NR3C2: variants seen among roughly 807,000 people sequenced by gnomAD.
The protein encoded by NR3C2 is mineralocorticoid receptor.
NR3C2 carries 15 observed loss-of-function variants against 86.4 expected under a neutral mutation model. The observed-to-expected ratio is 0.17, with a 90% CI of 0.12 to 0.27. The LOEUF (loss-of-function observed/expected upper bound fraction) is 0.27, where lower values mean the gene tolerates loss of function less well. NR3C2 is among the 10% of genes least tolerant of loss of function. The probability of loss-of-function intolerance (pLI) is 1.00; values close to 1 mark genes in which losing one functional copy is unlikely to be tolerated. For synonymous variants in NR3C2, 458 were observed against 450.5 expected (o/e 1.02, Z -0.21); for missense variants, 960 against 1,195.6 (o/e 0.80, Z 2.91).
rs917945015 is a variant in NR3C2, at chr4:148,379,575, T to C, written c.1757+55529A>G. 2.0e-5 allele frequency among the ~76,000 whole-genome samples: 3 copies of C among 152,158 alleles called. No individual in the cohort carries two copies. In the East Asian group the frequency reaches 5.8e-4, roughly 29 times the overall value. On this transcript the variant is annotated intron_variant, in intron 2 of 8. Transcript: ENST00000358102. ...CAAAGGGGTCTAAGGAACCATTGAT[T>C]TGTAAAAGTAAGCTTCTATTCAGAA...
intron 2 of NR3C2, among the ~76,000 whole-genome samples, chr4:148,434,162 G>T (rs1455777955): frequency 1.3e-5 from 2 of 152,044 alleles, no homozygotes; most frequent in Non-Finnish European, 2.9e-5. Flanking sequence ...GATGCCAAAG[G>T]AATGAACTAT....
At chr4:148,162,357 T>C (rs1183274814) in intron 4 of NR3C2, among the ~76,000 whole-genome samples, 1 of 152,204 alleles carries the variant, frequency 6.6e-6, no homozygotes, top group Non-Finnish European at 1.5e-5. Context: ...GTATTTTCTG[T>C]AGCTATATTC....
chr4:148,437,819 T>G (rs944863282), intron 1 of NR3C2, among the ~76,000 whole-genome samples: 1 of 152,208 alleles, frequency 6.6e-6, no homozygotes, highest in African/African-American at 2.4e-5. Context: ...CAGGCAGTGA[T>G]AAACAAAAGA....
intron 8 of NR3C2, among the ~76,000 whole-genome samples, chr4:148,085,478 G>A (rs184105815): frequency 7.9e-5 from 12 of 152,308 alleles, no homozygotes; most frequent in Admixed American, 2.6e-4. Flanking sequence ...GAATCTGTGG[G>A]ACACAGCTAA....
At chr4:148,136,125 A>G (rs1390945062) in intron 6 of NR3C2, among the ~76,000 whole-genome samples, 1 of 151,438 alleles carries the variant, frequency 6.6e-6, no homozygotes, top group Non-Finnish European at 1.5e-5. Context: ...AAACAAAAAA[A>G]CTTTGTCCAG....
intron 2 of NR3C2, among the ~76,000 whole-genome samples, chr4:148,282,732 A>C (rs1328801080): frequency 6.6e-6 from 1 of 152,224 alleles, no homozygotes; most frequent in Non-Finnish European, 1.5e-5. Flanking sequence ...ATTTGGCAAG[A>C]GCAGACTAAA....
At chr4:148,414,210 C>T (rs141095608) in intron 2 of NR3C2, among the ~76,000 whole-genome samples, 4 of 152,206 alleles carry the variant, frequency 2.6e-5, no homozygotes, top group East Asian at 1.9e-4. Flanking sequence ...GCTAAATATA[C>T]GCATACACCT....
chr4:148,175,093 C>T (rs1404583212), intron 4 of NR3C2, among the ~76,000 whole-genome samples: 2 of 152,006 alleles, frequency 1.3e-5, no homozygotes, highest in Admixed American at 6.6e-5. Flanking sequence ...GGGACTTCTC[C>T]CAATGAAGAA....
intron 3 of NR3C2, among the ~76,000 whole-genome samples, chr4:148,200,149 TAA>T (rs1439143635): frequency 2.0e-5 from 3 of 152,132 alleles, no homozygotes; most frequent in Non-Finnish European, 4.4e-5. Context: ...GCAGGATGGG[TAA>T]AGAGGAGGAA....
intron 2 of NR3C2, among the ~76,000 whole-genome samples, chr4:148,377,539 T>C (rs540169290): frequency 5.3e-5 from 8 of 152,122 alleles, no homozygotes; most frequent in African/African-American, 1.9e-4. Flanking sequence ...AAAAAGCAGA[T>C]GAATTTGGGG....
At chr4:148,302,092 ATTG>A (rs1194192360) in intron 2 of NR3C2, among the ~76,000 whole-genome samples, 1 of 152,186 alleles carries the variant, frequency 6.6e-6, no homozygotes, top group South Asian at 2.1e-4. Context: ...TTCACAGATA[ATTG>A]TTGTCTTGTT....
At chr4:148,201,473 T>C (rs1179741479) in intron 3 of NR3C2, among the ~76,000 whole-genome samples, 1 of 152,234 alleles carries the variant, frequency 6.6e-6, no homozygotes, top group East Asian at 1.9e-4. Context: ...AAGGACAATA[T>C]GCTTATGGTT....
chr4:148,438,563 C>T (rs972181756), intron 1 of NR3C2, among the ~76,000 whole-genome samples: 27 of 152,002 alleles, frequency 1.8e-4, no homozygotes, highest in African/African-American at 6.5e-4. Flanking sequence ...CATCCTTTCC[C>T]CTCTTTGTCA....
chr4:148,286,588 C>T (rs1267096771), intron 2 of NR3C2, among the ~76,000 whole-genome samples: 1 of 152,194 alleles, frequency 6.6e-6, no homozygotes, highest in Admixed American at 6.5e-5. Context: ...AGAGATGCAC[C>T]TCTTTCCTGA....
At chr4:148,200,024 A>ATTTCTC (rs1206413887) in intron 3 of NR3C2, among the ~76,000 whole-genome samples, 4 of 152,258 alleles carry the variant, frequency 2.6e-5, no homozygotes, top group Non-Finnish European at 5.9e-5. Context: ...AGAAATGTTC[A>ATTTCTC]TACAATGAAA....
intron 2 of NR3C2, among the ~76,000 whole-genome samples, chr4:148,325,110 CAGAGAGAGAGAGAGGGAGAGAGAATG>C (rs1743888875): frequency 6.7e-6 from 1 of 148,676 alleles, no homozygotes; most frequent in Non-Finnish European, 1.5e-5. Context: ...AGTGGAGAGA[CAGAGAGAGAGAGAGGGAGAGAGAATG>C]AGAGAGAGAG....
Position 148,436,381 on chromosome 4 carries a change from G to A in NR3C2, c.480C>T (p.Pro160=). The change falls in exon 2 of 9, where the codon CCC becomes CCT. Residue 160 remains proline (P), a synonymous_variant. Transcript: ENST00000358102. The part of the protein sequence containing the change: ...RPSTLSCVNT[P]LRSFMSDSGS... ...CAGAGTCAGACATAAATGATCTCAA[G>A]GGCGTGTTCACACAACTTAGAGTGG... 6.2e-7 allele frequency: 1 copy of A among 1,614,192 alleles called. No individual in the cohort carries two copies. The highest frequency in any genetic ancestry group is 2.2e-5 in the East Asian group (1 of 44,882).
intron 2 of NR3C2, among the ~76,000 whole-genome samples, chr4:148,416,222 T>C (rs973806391): frequency 1.8e-4 from 27 of 152,218 alleles, no homozygotes; most frequent in African/African-American, 6.0e-4. Flanking sequence ...TCATCATACA[T>C]AAATCTTTTT....
At chr4:148,409,760 T>C (rs1748602568) in intron 2 of NR3C2, among the ~76,000 whole-genome samples, 1 of 152,144 alleles carries the variant, frequency 6.6e-6, no homozygotes, top group Non-Finnish European at 1.5e-5. Context: ...TTTTAACTAT[T>C]ATATCTCAAA....
Sources: gnomAD v4.1 joint callset for allele counts (sites outside exome capture counted in the v4.1 genomes callset) on GRCh38, gnomAD v4.1.1 for gene constraint, MANE v1.5 for transcripts, NCBI Gene and HGNC (gene_info 2026-07-23, HGNC 2026-07-21) for gene names.